The following PDLIM5 variants were observed in gnomAD, a reference collection of about 807,000 sequenced individuals.
PDLIM5 encodes the protein PDZ and LIM domain protein 5.
In PDLIM5, 34 loss-of-function variants were observed where a neutral mutation model predicts 64.2. The observed-to-expected ratio is 0.53, with a 90% CI of 0.40 to 0.71. The LOEUF is 0.71. Ranked by LOEUF, PDLIM5 falls within the 30% of genes least tolerant of loss-of-function variation. The pLI is 0.00. For synonymous variants in PDLIM5, 253 were observed against 269.1 expected (o/e 0.94, Z 0.59); for missense variants, 683 against 733.6 (o/e 0.93, Z 0.80).
chr4:94,621,383 A>G lies in PDLIM5; in HGVS notation c.1108+3192A>G, dbSNP rs563935103. Among the ~76,000 whole-genome samples the G allele has an allele frequency of 1.6e-4, 25 of 152,300 alleles. No homozygotes were observed. The South Asian group carries it at 4.1e-3, about 25-fold the overall frequency. The stretch of plus-strand genomic sequence containing the variant: ...ATTTCTATTTATTTAAAGCCTATGT[A>G]TGATGATGAAGATTTTCTGTAATTA... On this transcript the variant is annotated intron_variant, in intron 8 of 12. Coordinates refer to ENST00000317968, the MANE Select transcript of PDLIM5 (RefSeq NM_006457.5).
chr4:94,503,057 C>T (rs3805300), intron 2 of PDLIM5, among the ~76,000 whole-genome samples: 2 of 151,886 alleles, frequency 1.3e-5, no homozygotes, highest in African/African-American at 2.4e-5. Context: ...GGTTTTAATT[C>T]GTAGACAGAC....
chr4:94,513,136 C>T (rs1190412862), intron 2 of PDLIM5, among the ~76,000 whole-genome samples: 1 of 152,018 alleles, frequency 6.6e-6, no homozygotes, highest in African/African-American at 2.4e-5. Context: ...TAATATAACC[C>T]TGTAGTGTAA....
chr4:94,627,851 G>A (rs982997509), intron 8 of PDLIM5, among the ~76,000 whole-genome samples: 1 of 152,164 alleles, frequency 6.6e-6, no homozygotes, highest in African/African-American at 2.4e-5. Flanking sequence ...CACTAGTCCT[G>A]AGATACTGTG....
At chr4:94,466,798 A>T (rs745858725) in intron 2 of PDLIM5, among the ~76,000 whole-genome samples, 2 of 152,232 alleles carry the variant, frequency 1.3e-5, no homozygotes, top group Non-Finnish European at 2.9e-5. Context: ...GGTATTAGTT[A>T]CGTTTATGAT....
At chr4:94,617,315 AAACAG>A (rs1738856789) in intron 7 of PDLIM5, among the ~76,000 whole-genome samples, 1 of 152,222 alleles carries the variant, frequency 6.6e-6, no homozygotes, top group African/African-American at 2.4e-5. Flanking sequence ...CCTGCTGTTT[AAACAG>A]GTAACTCTTG....
intron 2 of PDLIM5, among the ~76,000 whole-genome samples, chr4:94,471,520 A>G (rs1038725815): frequency 6.6e-6 from 1 of 152,042 alleles, no homozygotes; most frequent in African/African-American, 2.4e-5. Flanking sequence ...GTCTTTTAGG[A>G]TTTATATTTT....
chr4:94,585,600 A>C lies in PDLIM5; in HGVS notation c.746A>C (p.Glu249Ala). ...AAACACATTGTGGAGCGCTATACAGAGTTTTATCATGTACCCACTCACAGT... is the reference window on the plus strand; with the variant it reads ...AAACACATTGTGGAGCGCTATACAGCGTTTTATCATGTACCCACTCACAGT... ...PRKHIVERYT[E>A]FYHVPTHSDA... The change falls in exon 6 of 13, where the codon GAG becomes GCG. Residue 249 changes from glutamate to alanine, a missense_variant. Physicochemically the swap from Glu to Ala is moderately radical, Grantham distance 107. Transcript: ENST00000317968. 1 of 1,612,556 alleles carries C rather than the reference A, an allele frequency of 6.2e-7. No homozygotes were observed. The highest frequency in any genetic ancestry group is 8.5e-7 in the Non-Finnish European group (1 of 1,179,542).
intron 3 of PDLIM5, among the ~76,000 whole-genome samples, chr4:94,572,466 A>T (rs1033268389): frequency 5.3e-5 from 8 of 152,200 alleles, no homozygotes; most frequent in African/African-American, 1.9e-4. Flanking sequence ...AAATTAGGAT[A>T]ACCATAGGTT....
chr4:94,557,211 G>A (rs1733418140), intron 3 of PDLIM5, among the ~76,000 whole-genome samples: 1 of 152,126 alleles, frequency 6.6e-6, no homozygotes, highest in Non-Finnish European at 1.5e-5. Flanking sequence ...AGATCAGATG[G>A]TTGTAGATGT....
At chr4:94,543,701 A>G (rs1486852620) in intron 3 of PDLIM5, among the ~76,000 whole-genome samples, 2 of 151,804 alleles carry the variant, frequency 1.3e-5, no homozygotes, top group Non-Finnish European at 2.9e-5. Context: ...ATTTCACTTA[A>G]CATAATGTCC....
chr4:94,511,310 A>G (rs1279471209), intron 2 of PDLIM5, among the ~76,000 whole-genome samples: 2 of 152,096 alleles, frequency 1.3e-5, no homozygotes, highest in African/African-American at 4.8e-5. Context: ...ATACCTTTTT[A>G]TTATTTTTTT....
At chr4:94,611,500 T>C (rs996144703) in intron 7 of PDLIM5, among the ~76,000 whole-genome samples, 7 of 152,240 alleles carry the variant, frequency 4.6e-5, no homozygotes, top group Non-Finnish European at 8.8e-5. Flanking sequence ...CTGTCTTTCA[T>C]TGCATGGATA....
At chr4:94,541,935 T>C (rs1351049233) in intron 3 of PDLIM5, among the ~76,000 whole-genome samples, 4 of 152,252 alleles carry the variant, frequency 2.6e-5, no homozygotes, top group Non-Finnish European at 4.4e-5. Context: ...CAGAGCCTGC[T>C]ATTCTCTCCG....
At chr4:94,573,434 C>T (rs1199720592) in intron 4 of PDLIM5, 41 bp downstream of exon 4, 2 of 1,435,122 alleles carry the variant, frequency 1.4e-6, no homozygotes, top group African/African-American at 2.8e-5. Context: ...ACTTGATTGT[C>T]CTTGCTGAGC....
intron 3 of PDLIM5, among the ~76,000 whole-genome samples, chr4:94,534,213 G>A (rs1731127966): frequency 6.6e-6 from 1 of 152,044 alleles, no homozygotes; most frequent in African/African-American, 2.4e-5. Context: ...ACAAAAATGT[G>A]AGTTTTTTCT....
chr4:94,537,125 A>AT (rs1310082569), intron 3 of PDLIM5, among the ~76,000 whole-genome samples: 3 of 151,846 alleles, frequency 2.0e-5, no homozygotes, highest in Non-Finnish European at 4.4e-5. Flanking sequence ...TCTTTCATTC[A>AT]TTTTTTTTGT....
At chr4:94,553,076 A>G (rs1732956485) in intron 3 of PDLIM5, among the ~76,000 whole-genome samples, 1 of 150,938 alleles carries the variant, frequency 6.6e-6, no homozygotes. Context: ...ATTTACCTTT[A>G]TGTTTCTAAA....
At chr4:94,584,902 T>C (rs979043680) in intron 5 of PDLIM5, 3 of 869,374 alleles carry the variant, frequency 3.5e-6, no homozygotes, top group Non-Finnish European at 5.5e-6. Context: ...TTTCTAGTTG[T>C]TTTCTTTTTT....
At chr4:94,573,618 C>A (rs1734994747) in intron 4 of PDLIM5, 3 of 524,090 alleles carry the variant, frequency 5.7e-6, no homozygotes, top group East Asian at 6.2e-5. Context: ...CCATATGTTA[C>A]AATAACTTAT....
Sources: allele counts gnomAD v4.1 joint callset (sites outside exome capture counted in the v4.1 genomes callset), GRCh38; gene constraint gnomAD v4.1.1; transcripts MANE v1.5; gene names NCBI Gene and HGNC (gene_info 2026-07-23, HGNC 2026-07-21).